Variants in CFAP206 observed in about 807,000 individuals in gnomAD.
CFAP206 encodes the protein cilia- and flagella-associated protein 206.
CFAP206 carries 53 observed loss-of-function variants against 65.4 expected under a neutral mutation model. That is an observed-to-expected ratio of 0.81 (90% CI 0.65 to 1.02). The LOEUF (loss-of-function observed/expected upper bound fraction) is 1.02. Ranked by LOEUF, CFAP206 falls within the 50% of genes least tolerant of loss-of-function variation. The pLI, the probability that CFAP206 is intolerant of heterozygous loss-of-function variation, is 0.00. For missense variants in CFAP206, 663 were observed against 753.2 expected (o/e 0.88, Z 1.40); for synonymous variants, 250 against 254.4 (o/e 0.98, Z 0.17).
chr6:87,423,123 T>C lies in CFAP206; in HGVS notation c.841-3403T>C, dbSNP rs576927410. On this transcript the variant is annotated intron_variant, in intron 7 of 12. Coordinates refer to ENST00000369562, the MANE Select transcript of CFAP206 (RefSeq NM_001031743.3). ...TAGTAGAGACGGGGTTTCACCATCT[T>C]GGCCAGCCTGGTCTCGAACTCCTGG... 2.6e-4 allele frequency among the ~76,000 whole-genome samples: 40 copies of C among 152,280 alleles called. No individual in the cohort carries two copies. The South Asian group carries it at 8.1e-3, about 31-fold the overall frequency.
intron 7 of CFAP206, among the ~76,000 whole-genome samples, chr6:87,424,311 G>T (rs186069762): frequency 6.6e-6 from 1 of 151,822 alleles, no homozygotes; most frequent in East Asian, 1.9e-4. Flanking sequence ...ACAGAGTCTC[G>T]CTCTGTTGCC....
chr6:87,461,974 A>G (rs773799750), intron 12 of CFAP206, among the ~76,000 whole-genome samples: 43 of 152,330 alleles, frequency 2.8e-4, no homozygotes, highest in Admixed American at 1.1e-3. Context: ...AACATGAGAA[A>G]GCTGGAAGCA....
intron 11 of CFAP206, among the ~76,000 whole-genome samples, chr6:87,457,595 T>C (rs1197120435): frequency 1.3e-5 from 2 of 152,310 alleles, no homozygotes; most frequent in African/African-American, 2.4e-5. Context: ...TAAATGGTGC[T>C]GGGAAAACTG....
chr6:87,413,199 G>C (rs1226753744), intron 3 of CFAP206, among the ~76,000 whole-genome samples: 1 of 152,174 alleles, frequency 6.6e-6, no homozygotes, highest in Non-Finnish European at 1.5e-5. Flanking sequence ...AAATGTTATT[G>C]GTAGTAAAGA....
chr6:87,413,914 C>T lies in CFAP206; in HGVS notation c.283+14C>T. The T allele has an allele frequency of 2.9e-6, 4 of 1,371,650 alleles. No homozygotes were observed. The highest frequency in any genetic ancestry group is 3.9e-6 in the Non-Finnish European group (4 of 1,025,022). The allele number at this position is 1,371,650 out of a possible 1,614,324, so 85.0% of individuals were successfully genotyped here. The stretch of plus-strand genomic sequence containing the variant: ...ATACGAATCGAGGTAATGTATACTA[C>T]CTATTTTTATACTTAAAAAATTTCA... On this transcript the variant is annotated intron_variant, in intron 4 of 12. Coordinates refer to ENST00000369562, the MANE Select transcript of CFAP206 (RefSeq NM_001031743.3).
chr6:87,452,243 G>A (rs777946498), intron 11 of CFAP206, among the ~76,000 whole-genome samples: 26 of 152,208 alleles, frequency 1.7e-4, no homozygotes, highest in Admixed American at 8.5e-4. Context: ...AGTCTGCAAC[G>A]GTCACAGTGT....
At chr6:87,442,673 A>C (rs1428815396) in intron 11 of CFAP206, among the ~76,000 whole-genome samples, 1 of 152,048 alleles carries the variant, frequency 6.6e-6, no homozygotes, top group Non-Finnish European at 1.5e-5. Flanking sequence ...TCATTTGCTG[A>C]GAGTTTTTTA....
chr6:87,456,831 A>G (rs34707213), intron 11 of CFAP206, among the ~76,000 whole-genome samples: 5,093 of 152,242 alleles, frequency 0.033, 113 homozygotes, highest in Middle Eastern at 0.054. Context: ...CTCTATGAAG[A>G]TAACTATAAA....
At chr6:87,436,800 CCAAAT>C (rs1268094653) in intron 11 of CFAP206, 2 of 152,062 alleles carry the variant, frequency 1.3e-5, no homozygotes, top group Non-Finnish European at 2.9e-5. Context: ...TGTATGTGAG[CCAAAT>C]AGTAGGTAGG....
At chr6:87,443,568 T>C (rs773603545) in intron 11 of CFAP206, among the ~76,000 whole-genome samples, 23 of 151,330 alleles carry the variant, frequency 1.5e-4, no homozygotes, top group Middle Eastern at 3.4e-3. Context: ...CTTAATGCAA[T>C]AAATTTCCTT....
intron 4 of CFAP206, among the ~76,000 whole-genome samples, 190 bp downstream of exon 4, chr6:87,414,090 A>G (rs538989180): frequency 1.2e-4 from 18 of 152,352 alleles, no homozygotes; most frequent in African/African-American, 2.2e-4. Context: ...TGTGAGTGTT[A>G]AAAGTGAATT....
chr6:87,441,799 T>G, intron 11 of CFAP206: 1 of 253,550 alleles, frequency 3.9e-6, no homozygotes, highest in South Asian at 5.4e-5. Context: ...TGAGAAGGCT[T>G]CATGAAATTT....
rs1582132818 is a variant in CFAP206, at chr6:87,415,827, C to G, written c.425C>G (p.Ser142Cys). ...RKIISYVLLR[S>C]GLGSPTDIKT... ...ATTATCAGCTATGTGTTACTCCGCTCTGGCCTTGGATCCCCTACAGACATC... is the reference window on the plus strand; with the variant it reads ...ATTATCAGCTATGTGTTACTCCGCTGTGGCCTTGGATCCCCTACAGACATC... Residue 142 changes from serine to cysteine, a missense_variant, in exon 5 of 13, where the codon TCT (serine) becomes TGT (cysteine). By Grantham distance (112) the Ser-to-Cys change is moderately radical (BLOSUM62 -1). Transcript: ENST00000369562. 1.1e-5 allele frequency: 18 copies of G among 1,611,048 alleles called. No individual in the cohort carries two copies. The highest frequency in any genetic ancestry group is 1.4e-5 in the Non-Finnish European group (17 of 1,178,660).
At chr6:87,412,294 A>G (rs2127947019) in intron 3 of CFAP206, among the ~76,000 whole-genome samples, 1 of 152,264 alleles carries the variant, frequency 6.6e-6, no homozygotes, top group Middle Eastern at 3.4e-3. Flanking sequence ...GCAAAGACAT[A>G]GTGTCCAATC....
At chr6:87,444,819 G>A in intron 11 of CFAP206, 1 of 551,060 alleles carries the variant, frequency 1.8e-6, no homozygotes, top group Non-Finnish European at 3.5e-6. Flanking sequence ...TAGCATCTTT[G>A]TAATCCAATT....
At chr6:87,417,108 C>G (rs1232150728) in intron 6 of CFAP206, among the ~76,000 whole-genome samples, 1 of 152,086 alleles carries the variant, frequency 6.6e-6, no homozygotes, top group Non-Finnish European at 1.5e-5. Flanking sequence ...TTCAGCAGGG[C>G]TTTGTGTTCA....
At chr6:87,433,700 T>G (rs6921179) in intron 10 of CFAP206, among the ~76,000 whole-genome samples, 42,173 of 152,126 alleles carry the variant, frequency 0.28, 6,032 homozygotes, top group Admixed American at 0.38. Context: ...TACTTTAACA[T>G]AAAAATATAA....
At chr6:87,434,607 C>T (rs1582142303) in intron 10 of CFAP206, among the ~76,000 whole-genome samples, 1 of 151,628 alleles carries the variant, frequency 6.6e-6, no homozygotes, top group East Asian at 1.9e-4. Flanking sequence ...AAGCTATTCT[C>T]CTACCTCAGC....
intron 10 of CFAP206, among the ~76,000 whole-genome samples, chr6:87,434,532 C>G (rs1464699214): frequency 6.4e-5 from 9 of 141,164 alleles, no homozygotes; most frequent in Non-Finnish European, 1.1e-4. Flanking sequence ...CAGTCTTGCT[C>G]TGTCACTTAG....
Sources: gnomAD v4.1 joint callset for allele counts (sites outside exome capture counted in the v4.1 genomes callset) on GRCh38, gnomAD v4.1.1 for gene constraint, MANE v1.5 for transcripts, NCBI Gene and HGNC (gene_info 2026-07-23, HGNC 2026-07-21) for gene names.